Variants in PTPRN2 observed in about 807,000 individuals in gnomAD.
PTPRN2 encodes protein tyrosine phosphatase receptor type N2, also known as receptor-type tyrosine-protein phosphatase N2.
Under a neutral mutation model 118.8 loss-of-function variants are expected in PTPRN2, and 74 were observed. The observed-to-expected ratio is 0.62, with a 90% CI of 0.52 to 0.76. PTPRN2 has a LOEUF of 0.76. PTPRN2 is among the 30% of genes least tolerant of loss of function. The probability of loss-of-function intolerance (pLI) is 0.00; values close to 1 mark genes in which losing one functional copy is unlikely to be tolerated. For missense variants in PTPRN2, 1,481 were observed against 1,394.4 expected, an observed-to-expected ratio of 1.06 and a Z score of -0.99; for synonymous variants, 641 against 608.0, an observed-to-expected ratio of 1.05 and a Z score of -0.80.
At chr7:158,586,347 T>C (rs1267329219) in intron 1 of PTPRN2, among the ~76,000 whole-genome samples, 2 of 152,178 alleles carry the variant, frequency 1.3e-5, no homozygotes, top group African/African-American at 4.8e-5. Flanking sequence ...ATTTTGACGA[T>C]AAAGCACTAC....
At chr7:158,062,119 C>T (rs10257845) in intron 11 of PTPRN2, among the ~76,000 whole-genome samples, 34,818 of 152,240 alleles carry the variant, frequency 0.23, 4,195 homozygotes, top group South Asian at 0.37. Flanking sequence ...CGACGGGCGA[C>T]GGCCATGGCA....
In PTPRN2 at chr7:157,671,381, G is replaced by A. The variant is rs1192740438; in HGVS notation, c.2001+11344C>T. Among the ~76,000 whole-genome samples the A allele has an allele frequency of 6.6e-6, 1 of 152,188 alleles. No homozygotes were observed. Among genetic ancestry groups the A allele is most frequent in the African/African-American group, 2.4e-5 (1 of 41,466 alleles). On this transcript the variant is annotated intron_variant, in intron 13 of 22. Coordinates refer to ENST00000389418, the MANE Select transcript of PTPRN2 (RefSeq NM_002847.5). This position sits in a 1 kb window ranked among gnomAD's most constrained non-coding sequence, Gnocchi z 4.1. ...ACGAGACGTCACCGCAGAGGCGGCAGAAGGGATAAAGGGGAGGTAGGGATG... is the reference window on the plus strand; with the variant it reads ...ACGAGACGTCACCGCAGAGGCGGCAAAAGGGATAAAGGGGAGGTAGGGATG...
In PTPRN2 at chr7:157,749,586, G is replaced by A. The variant is rs188397361; in HGVS notation, c.1789-66649C>T. 1.7e-4 allele frequency among the ~76,000 whole-genome samples: 23 copies of A among 137,356 alleles called. 2 individuals carry two copies. In the East Asian group the frequency reaches 5.2e-3, roughly 31 times the overall value. 90.1% of individuals were successfully genotyped at this position (137,356 alleles called of 152,430 possible). A position where few individuals can be genotyped will look rare whatever the true frequency, so the allele number is the denominator to read the frequency against. On this transcript the variant is annotated intron_variant, in intron 12 of 22. Coordinates refer to ENST00000389418, the MANE Select transcript of PTPRN2 (RefSeq NM_002847.5). ...GTGTCTGGGTGATTCTGAAGCCTGC[G>A]GCTGTGAGCTGTGGGGTGTCTGAGT...
chr7:157,628,740 C>T (rs772912797), intron 14 of PTPRN2, among the ~76,000 whole-genome samples: 4 of 152,078 alleles, frequency 2.6e-5, no homozygotes, highest in Non-Finnish European at 2.9e-5. Flanking sequence ...GGATGGGGTG[C>T]GGGACGGTCT....
chr7:158,355,801 G>A (rs995964017), intron 2 of PTPRN2, among the ~76,000 whole-genome samples: 2 of 152,210 alleles, frequency 1.3e-5, no homozygotes, highest in Non-Finnish European at 2.9e-5. Flanking sequence ...AAGAGCGTGA[G>A]CGTGAACCCC....
Position 158,136,653 on chromosome 7 carries a change from A to C in PTPRN2, c.1173+2T>G. The C allele has an allele frequency of 1.2e-6, 2 of 1,613,034 alleles. No homozygotes were observed. The highest frequency in any genetic ancestry group is 1.7e-6 in the Non-Finnish European group (2 of 1,179,026). On this transcript the variant is annotated splice_donor_variant, in intron 8 of 22. Coordinates refer to ENST00000389418, the MANE Select transcript of PTPRN2 (RefSeq NM_002847.5). LOFTEE classifies it high-confidence loss of function. ...AAACAAACACCAGAGACGTCATCTT[A>C]CCTCTTGGTAAAGTCTATCATCGTC...
chr7:157,643,449 G>T (rs907339095), intron 14 of PTPRN2, among the ~76,000 whole-genome samples: 1 of 152,240 alleles, frequency 6.6e-6, no homozygotes, highest in Admixed American at 6.5e-5. Context: ...GACACTCTCT[G>T]CCTGTGTCAC....
intron 12 of PTPRN2, among the ~76,000 whole-genome samples, chr7:157,719,400 G>A (rs1799112294): frequency 6.6e-6 from 1 of 152,254 alleles, no homozygotes; most frequent in African/African-American, 2.4e-5. Context: ...GGAAGGCCAA[G>A]GCCACAGCAC....
At chr7:158,473,078 C>G (rs1819989518) in intron 2 of PTPRN2, among the ~76,000 whole-genome samples, 1 of 152,110 alleles carries the variant, frequency 6.6e-6, no homozygotes, top group African/African-American at 2.4e-5. Context: ...GATATTTCTG[C>G]TTTAATGATA....
rs141037493 is a variant in PTPRN2 at position 157,894,198 on chromosome 7, G to C, written c.1788+4475C>G. 5.4e-3 allele frequency among the ~76,000 whole-genome samples: 815 copies of C among 152,330 alleles called. 5 individuals carry two copies. Among genetic ancestry groups the C allele is most frequent in the South Asian group, 8.5e-3 (41 of 4,826 alleles). ...ATGACGCATGGCATCAACTCTGAGG[G>C]GCACAAAGCCGAGAGCACAGGAAGA... On this transcript the variant is annotated intron_variant, in intron 12 of 22. Coordinates refer to ENST00000389418, the MANE Select transcript of PTPRN2 (RefSeq NM_002847.5).
chr7:158,573,601 TC>T (rs1486576818), intron 1 of PTPRN2, among the ~76,000 whole-genome samples: 5 of 152,098 alleles, frequency 3.3e-5, no homozygotes, highest in African/African-American at 1.2e-4. Flanking sequence ...AGCAAGTCAC[TC>T]CCCATGCCTG....
intron 12 of PTPRN2, among the ~76,000 whole-genome samples, chr7:157,805,295 G>C (rs150566861): frequency 0.089 from 13,520 of 151,118 alleles, 669 homozygotes; most frequent in Middle Eastern, 0.14. Flanking sequence ...ACTCCTGTGT[G>C]TGTGTGTGTG....
At chr7:157,820,434 G>A (rs1239522743) in intron 12 of PTPRN2, among the ~76,000 whole-genome samples, 1 of 149,660 alleles carries the variant, frequency 6.7e-6, no homozygotes. Flanking sequence ...CCACACACCT[G>A]CACACAGCAG....
chr7:157,644,807 A>AC (rs1554512595), intron 14 of PTPRN2, among the ~76,000 whole-genome samples: 1 of 128,620 alleles, frequency 7.8e-6, no homozygotes, highest in Admixed American at 8.3e-5. Context: ...AAAAACAAAA[A>AC]AAAAAAAACA....
At chr7:158,318,532 G>T (rs962716097) in intron 2 of PTPRN2, among the ~76,000 whole-genome samples, 1 of 152,132 alleles carries the variant, frequency 6.6e-6, no homozygotes, top group Non-Finnish European at 1.5e-5. Flanking sequence ...CCCAAGCGGG[G>T]CCCAAGTCAG....
intron 22 of PTPRN2, among the ~76,000 whole-genome samples, chr7:157,543,270 GA>G (rs778454004): frequency 5.3e-5 from 8 of 152,256 alleles, no homozygotes; most frequent in Non-Finnish European, 1.0e-4. Context: ...TTCTAAGCAA[GA>G]AAGCATTTTT....
intron 11 of PTPRN2, among the ~76,000 whole-genome samples, chr7:157,923,021 G>A (rs1009177234): frequency 3.3e-5 from 5 of 152,196 alleles, no homozygotes; most frequent in Non-Finnish European, 1.5e-5. Context: ...AAAGACCCCA[G>A]AGGCTGTTTA....
At chr7:158,312,187 T>A (rs1168750817) in intron 3 of PTPRN2, among the ~76,000 whole-genome samples, 1 of 90,752 alleles carries the variant, frequency 1.1e-5, no homozygotes, top group Non-Finnish European at 2.3e-5. Context: ...CACATGCTCA[T>A]GTGTAGACAC....
intron 9 of PTPRN2, among the ~76,000 whole-genome samples, chr7:158,130,172 G>C (rs4909265): frequency 0.67 from 101,729 of 152,138 alleles, 34,894 homozygotes; most frequent in African/African-American, 0.82. Context: ...TGTAGCATCT[G>C]CAGCACAGCG....
Sources: gnomAD v4.1 joint callset for allele counts (sites outside exome capture counted in the v4.1 genomes callset) on GRCh38, gnomAD v4.1.1 for gene constraint, Gnocchi (gnomAD v3.1) non-coding constraint, MANE v1.5 for transcripts, NCBI Gene and HGNC (gene_info 2026-07-23, HGNC 2026-07-21) for gene names.